The following TLL2 variants were observed in gnomAD, a reference collection of about 807,000 sequenced individuals.
The protein encoded by TLL2 is tolloid-like protein 2.
TLL2 carries 106 observed loss-of-function variants against 123.0 expected under a neutral mutation model. The ratio of observed to expected loss-of-function variants is 0.86; its 90% CI spans 0.74 to 1.01. The LOEUF (loss-of-function observed/expected upper bound fraction) is 1.01. Ranked by LOEUF, TLL2 falls within the 50% of genes least tolerant of loss-of-function variation. The probability of loss-of-function intolerance (pLI) is 0.00; values close to 1 mark genes in which losing one functional copy is unlikely to be tolerated. For synonymous variants in TLL2, 494 were observed against 516.8 expected, an observed-to-expected ratio of 0.96 and a Z score of 0.60; for missense variants, 1,332 against 1,336.7, an observed-to-expected ratio of 1.00 and a Z score of 0.06.
chr10:96,503,031 G>A (rs1325018999), intron 1 of TLL2, among the ~76,000 whole-genome samples: 1 of 152,160 alleles, frequency 6.6e-6, no homozygotes, highest in African/African-American at 2.4e-5. Flanking sequence ...TTTGCATCCA[G>A]GCAGAACCGT....
intron 2 of TLL2, among the ~76,000 whole-genome samples, chr10:96,476,222 G>GTATATATA (rs72052618): frequency 1.1e-5 from 1 of 93,282 alleles, no homozygotes; most frequent in African/African-American, 4.0e-5. Flanking sequence ...AATTTTATAT[G>GTATATATA]TATATATATA....
chr10:96,422,246 T>A (rs1396772355), intron 6 of TLL2, among the ~76,000 whole-genome samples: 2 of 151,764 alleles, frequency 1.3e-5, no homozygotes, highest in Non-Finnish European at 2.9e-5. Context: ...TCTGATGCTG[T>A]AACAGTGTTC....
intron 5 of TLL2, among the ~76,000 whole-genome samples, chr10:96,425,259 TTC>T (rs5787184): frequency 0.011 from 1,526 of 144,132 alleles, 19 homozygotes; most frequent in African/African-American, 0.024. Flanking sequence ...CATTACTGTT[TTC>T]TCTCTCTCTC....
chr10:96,485,029 C>T (rs142796592), intron 1 of TLL2, among the ~76,000 whole-genome samples: 47 of 152,326 alleles, frequency 3.1e-4, no homozygotes, highest in African/African-American at 1.1e-3. Context: ...AGATCTCCAT[C>T]TCCCTTTTTT....
At chr10:96,369,011 G>A (rs1307656804) in intron 20 of TLL2, among the ~76,000 whole-genome samples, 1 of 152,204 alleles carries the variant, frequency 6.6e-6, no homozygotes, top group East Asian at 1.9e-4. Flanking sequence ...ATTATTCAAA[G>A]AAATATAAAT....
Position 96,366,531 on chromosome 10 carries a change from TCTTTG to T in TLL2, c.*1552_*1556del, listed in dbSNP as rs1846028524. The T allele has an allele frequency of 2.0e-5, 3 of 152,702 alleles. No homozygotes were observed. Among genetic ancestry groups the T allele is most frequent in the African/African-American group, 4.8e-5 (2 of 41,478 alleles). The allele number at this position is 152,702 out of a possible 1,614,324, so 9.5% of individuals were successfully genotyped here. A position where few individuals can be genotyped will look rare whatever the true frequency, so the allele number is the denominator to read the frequency against. On this transcript the variant is annotated 3_prime_UTR_variant, in exon 21 of 21. Coordinates refer to ENST00000357947, the MANE Select transcript of TLL2 (RefSeq NM_012465.4). ...TATTCCCATGCATTTCTCTGACCTT[TCTTTG>T]TATCATTCTAGTTTTTGCTCCCAGC...
chr10:96,410,269 T>C, intron 9 of TLL2, 90 bp downstream of exon 9: 5 of 909,560 alleles, frequency 5.5e-6, no homozygotes, highest in Non-Finnish European at 8.6e-6. Flanking sequence ...ACCGAACAGC[T>C]GTTATTTTTA....
At chr10:96,459,251 A>G (rs1847048980) in intron 2 of TLL2, among the ~76,000 whole-genome samples, 1 of 152,178 alleles carries the variant, frequency 6.6e-6, no homozygotes, top group African/African-American at 2.4e-5. Flanking sequence ...AAATTCATCA[A>G]GAAGAATAAA....
rs866788235 is a variant in TLL2 at position 96,508,180 on chromosome 10, C to T, written c.175+5331G>A. On this transcript the variant is annotated intron_variant, in intron 1 of 20. Coordinates refer to ENST00000357947, the MANE Select transcript of TLL2 (RefSeq NM_012465.4). ...ATGCCCGCCCTGCCATGAAGGTTGG[C>T]GACTCCAGAGGAGCACTGCCCAGGT... 2.4e-4 allele frequency among the ~76,000 whole-genome samples: 37 copies of T among 152,252 alleles called. No individual in the cohort carries two copies. The Middle Eastern group carries it at 0.02, about 84-fold the overall frequency.
intron 5 of TLL2, among the ~76,000 whole-genome samples, chr10:96,428,095 G>A (rs145007120): frequency 0.01 from 1,560 of 152,198 alleles, 35 homozygotes; most frequent in African/African-American, 0.035. Flanking sequence ...GCTCCTGGCC[G>A]GGTTTGGGTT....
In TLL2 at chr10:96,474,222, A is replaced by G. The variant is rs1250442672; in HGVS notation, c.286+6127T>C. ...TTCTTGCCGCCTTGCCCCCACACAC[A>G]TCCAAAATGCGGCTGCCACATCCTC... On this transcript the variant is annotated intron_variant, in intron 2 of 20. Coordinates refer to ENST00000357947, the MANE Select transcript of TLL2 (RefSeq NM_012465.4). Among the ~76,000 whole-genome samples the G allele has an allele frequency of 2.6e-5, 4 of 152,186 alleles. No individual in the cohort carries two copies. The East Asian group carries it at 7.7e-4, about 29-fold the overall frequency.
At chr10:96,393,947 T>A (rs1846313722) in intron 13 of TLL2, among the ~76,000 whole-genome samples, 1 of 152,130 alleles carries the variant, frequency 6.6e-6, no homozygotes, top group Non-Finnish European at 1.5e-5. Context: ...CAACAATTGC[T>A]TAGGTACAAT....
At chr10:96,380,309 C>CA (rs1220839349) in intron 16 of TLL2, among the ~76,000 whole-genome samples, 4 of 152,262 alleles carry the variant, frequency 2.6e-5, no homozygotes, top group African/African-American at 9.6e-5. Flanking sequence ...CTTTAGGGGT[C>CA]AGCCCTGTCT....
Position 96,373,683 on chromosome 10 carries a change from TG to T in TLL2, c.2574del (p.Thr859ArgfsTer35). ...GRFCGSKKPD[P>X]TVASGSSMFL... ...AACATACTGCTGCCGGAAGCCACCG[TG>T]GGGTCTGGTTTCTTGCTGCCGCAGA... On this transcript the variant is annotated frameshift_variant, in exon 19 of 21. Transcript: ENST00000357947. LOFTEE classifies it high-confidence loss of function. 2 of 1,614,230 alleles carry T rather than the reference TG, an allele frequency of 1.2e-6. No homozygotes were observed. Among genetic ancestry groups the T allele is most frequent in the Non-Finnish European group, 1.7e-6 (2 of 1,180,046 alleles).
At chr10:96,376,890 G>A (rs1009817452) in intron 17 of TLL2, 71 bp from the exon 18 acceptor site, 13 of 1,439,084 alleles carry the variant, frequency 9.0e-6, no homozygotes, top group Admixed American at 5.5e-5. Context: ...AGGATTCTAG[G>A]GGGGTCTCCT....
intron 7 of TLL2, among the ~76,000 whole-genome samples, chr10:96,420,078 CAT>C (rs1409295426): frequency 6.6e-6 from 1 of 152,162 alleles, no homozygotes; most frequent in African/African-American, 2.4e-5. Context: ...ATTTTTATCT[CAT>C]GTGTATATTG....
chr10:96,407,713 C>A (rs1846464268), intron 9 of TLL2, among the ~76,000 whole-genome samples: 1 of 152,236 alleles, frequency 6.6e-6, no homozygotes, highest in Non-Finnish European at 1.5e-5. Context: ...AATGTTTCGT[C>A]TCAGGACAAA....
At chr10:96,373,522 G>A in intron 19 of TLL2, 74 bp downstream of exon 19, 1 of 1,417,214 alleles carries the variant, frequency 7.1e-7, no homozygotes, top group South Asian at 1.2e-5. Context: ...GGCAGTCCTT[G>A]TCGTGCCTTC....
intron 1 of TLL2, among the ~76,000 whole-genome samples, chr10:96,482,780 T>C (rs943441930): frequency 6.6e-6 from 1 of 152,212 alleles, no homozygotes; most frequent in South Asian, 2.1e-4. Context: ...TAAAATCGCA[T>C]GTACACTTAC....
Sources: allele counts gnomAD v4.1 joint callset (sites outside exome capture counted in the v4.1 genomes callset), GRCh38; gene constraint gnomAD v4.1.1; transcripts MANE v1.5; gene names NCBI Gene and HGNC (gene_info 2026-07-23, HGNC 2026-07-21).